PRKCB: variants seen among roughly 807,000 people sequenced by gnomAD.
The protein encoded by PRKCB is protein kinase C beta type.
Under a neutral mutation model 81.5 loss-of-function variants are expected in PRKCB, and 13 were observed. The ratio of observed to expected loss-of-function variants is 0.16; its 90% CI spans 0.10 to 0.25. PRKCB has a LOEUF of 0.25. Among genes scored for constraint, PRKCB ranks in the 10% least tolerant of loss-of-function variants. The pLI is 1.00. For missense variants in PRKCB, 509 were observed against 875.7 expected (o/e 0.58, Z 5.29); for synonymous variants, 335 against 321.4 (o/e 1.04, Z -0.45).
intron 2 of PRKCB, among the ~76,000 whole-genome samples, chr16:23,886,611 C>G (rs763954552): frequency 6.6e-6 from 1 of 151,988 alleles, no homozygotes; most frequent in Non-Finnish European, 1.5e-5. Context: ...CGAGGTTTCA[C>G]TATGTTGGCC....
chr16:23,988,302 C>T (rs1276964618), intron 2 of PRKCB, among the ~76,000 whole-genome samples: 1 of 152,186 alleles, frequency 6.6e-6, no homozygotes, highest in Non-Finnish European at 1.5e-5. Context: ...AAGTTTAACT[C>T]CTATGCAAGA....
intron 2 of PRKCB, among the ~76,000 whole-genome samples, chr16:23,956,753 A>T (rs1222564480): frequency 1.3e-5 from 2 of 152,128 alleles, no homozygotes; most frequent in African/African-American, 4.8e-5. Flanking sequence ...AATTGCTAAA[A>T]TTTTTCTAGC....
chr16:24,150,724 T>A (rs183632837), intron 9 of PRKCB, among the ~76,000 whole-genome samples: 4 of 152,332 alleles, frequency 2.6e-5, no homozygotes. Context: ...GTAAATAAAG[T>A]TTTATTAGAC....
intron 3 of PRKCB, among the ~76,000 whole-genome samples, chr16:24,016,898 C>G (rs971435974): frequency 6.6e-6 from 1 of 152,182 alleles, no homozygotes; most frequent in African/African-American, 2.4e-5. Context: ...ACTGACCCAA[C>G]CTTGGTCTAT....
At chr16:24,189,413 C>T (rs1159047949) in intron 15 of PRKCB, among the ~76,000 whole-genome samples, 1 of 151,776 alleles carries the variant, frequency 6.6e-6, no homozygotes, top group African/African-American at 2.4e-5. Flanking sequence ...CTGAGGCAGG[C>T]AGATCATGAG....
intron 4 of PRKCB, among the ~76,000 whole-genome samples, chr16:24,033,600 A>G (rs145719494): frequency 0.055 from 8,340 of 152,176 alleles, 278 homozygotes; most frequent in African/African-American, 0.075. Flanking sequence ...AATCTCTACT[A>G]AAAATACAAA....
At chr16:24,157,255 T>C (rs1967174944) in intron 10 of PRKCB, among the ~76,000 whole-genome samples, 1 of 152,106 alleles carries the variant, frequency 6.6e-6, no homozygotes, top group South Asian at 2.1e-4. Context: ...GGTTTGGGTC[T>C]TGCATGGTGA....
intron 16 of PRKCB, among the ~76,000 whole-genome samples, chr16:24,196,160 T>C (rs547047567): frequency 2.6e-4 from 40 of 152,346 alleles, no homozygotes; most frequent in African/African-American, 9.4e-4. Context: ...ATTGTGACTT[T>C]CTCTGTGTCA....
At chr16:23,852,443 C>A (rs765327548) in intron 2 of PRKCB, among the ~76,000 whole-genome samples, 1 of 152,112 alleles carries the variant, frequency 6.6e-6, no homozygotes, top group Non-Finnish European at 1.5e-5. Context: ...GTTGAACCAT[C>A]CTTGCATCCC....
chr16:24,133,153 G>A (rs1167443808), intron 9 of PRKCB, among the ~76,000 whole-genome samples: 1 of 152,078 alleles, frequency 6.6e-6, no homozygotes, highest in Non-Finnish European at 1.5e-5. Context: ...CAAGGCAGGA[G>A]GATCACTTGA....
At chr16:24,092,278 T>C (rs768913598) in intron 5 of PRKCB, among the ~76,000 whole-genome samples, 25 of 152,250 alleles carry the variant, frequency 1.6e-4, no homozygotes, top group Non-Finnish European at 3.1e-4. Context: ...TCATACAATA[T>C]GTGACCTTTT....
chr16:24,215,343 C>T lies in PRKCB; in HGVS notation c.*527C>T. The T allele has an allele frequency of 1.0e-6, 1 of 986,226 alleles. No individual in the cohort carries two copies. Among genetic ancestry groups the T allele is most frequent in the Non-Finnish European group, 1.2e-6 (1 of 830,200 alleles). 61.1% of individuals were successfully genotyped at this position (986,226 alleles called of 1,614,324 possible). A position where few individuals can be genotyped will look rare whatever the true frequency, so the allele number is the denominator to read the frequency against. On this transcript the variant is annotated 3_prime_UTR_variant, in exon 17 of 17. Coordinates refer to ENST00000643927, the MANE Select transcript of PRKCB (RefSeq NM_002738.7). The stretch of plus-strand genomic sequence containing the variant: ...AAATGTTATCTGTTATTTTTGTAAA[C>T]TCAAAGTTAAGATGATCAAAGTTCT...
intron 12 of PRKCB, among the ~76,000 whole-genome samples, chr16:24,177,271 C>A (rs1343861318): frequency 6.6e-6 from 1 of 152,136 alleles, no homozygotes; most frequent in Non-Finnish European, 1.5e-5. Flanking sequence ...GGCTCACTGG[C>A]CAGGCAGGTG....
intron 1 of PRKCB, 170 bp from the exon 2 acceptor site, chr16:23,837,200 CAGCCG>C (rs1257391401): frequency 2.6e-6 from 2 of 768,910 alleles, no homozygotes; most frequent in African/African-American, 3.5e-5. Flanking sequence ...ATGGGGGTTA[CAGCCG>C]AGCTCCCACC....
chr16:23,973,982 T>G (rs1005198923), intron 2 of PRKCB, among the ~76,000 whole-genome samples: 1 of 152,328 alleles, frequency 6.6e-6, no homozygotes, highest in South Asian at 2.1e-4. Flanking sequence ...GAAATGATAT[T>G]TAATCTGATA....
At chr16:23,966,227 G>T (rs1964484919) in intron 2 of PRKCB, among the ~76,000 whole-genome samples, 4 of 152,290 alleles carry the variant, frequency 2.6e-5, no homozygotes, top group Middle Eastern at 6.8e-3. Flanking sequence ...GCCCTGGGAG[G>T]GGCTTCTTTC....
chr16:23,912,624 T>C (rs746170302), intron 2 of PRKCB, among the ~76,000 whole-genome samples: 108 of 144,266 alleles, frequency 7.5e-4, no homozygotes, highest in Non-Finnish European at 1.4e-3. Flanking sequence ...GCGATTCTCC[T>C]GCCTCAGCCT....
intron 3 of PRKCB, among the ~76,000 whole-genome samples, chr16:24,021,115 C>CTTTCTTTCTTTTTT (rs1375631928): frequency 2.1e-4 from 20 of 93,924 alleles, no homozygotes; most frequent in South Asian, 1.8e-3. Context: ...TTCCTTCTCT[C>CTTTCTTTCTTTTTT]TCTTTCTTTC....
intron 9 of PRKCB, chr16:24,151,712 G>A: frequency 2.3e-6 from 1 of 440,738 alleles, no homozygotes; most frequent in Non-Finnish European, 4.6e-6. Context: ...AACAGGATGT[G>A]GTCATGGAAT....
Sources: gnomAD v4.1 joint callset for allele counts (sites outside exome capture counted in the v4.1 genomes callset) on GRCh38, gnomAD v4.1.1 for gene constraint, MANE v1.5 for transcripts, NCBI Gene and HGNC (gene_info 2026-07-23, HGNC 2026-07-21) for gene names.